KIAA0319L: variants seen among roughly 807,000 people sequenced by gnomAD.
KIAA0319L encodes KIAA0319 like, also known as dyslexia-associated protein KIAA0319-like protein.
Under a neutral mutation model 120.1 loss-of-function variants are expected in KIAA0319L, and 55 were observed. The ratio of observed to expected loss-of-function variants is 0.46; its 90% CI spans 0.37 to 0.57. The LOEUF (loss-of-function observed/expected upper bound fraction) is 0.57, where lower values mean the gene tolerates loss of function less well. KIAA0319L is among the 20% of genes least tolerant of loss of function. The pLI, the probability that KIAA0319L is intolerant of heterozygous loss-of-function variation, is 0.00. For synonymous variants in KIAA0319L, 398 were observed against 471.9 expected, an observed-to-expected ratio of 0.84 and a Z score of 2.03; for missense variants, 1,049 against 1,255.3, an observed-to-expected ratio of 0.84 and a Z score of 2.48.
intron 3 of KIAA0319L, among the ~76,000 whole-genome samples, chr1:35,500,841 C>T (rs1644978714): frequency 1.3e-5 from 2 of 152,204 alleles, no homozygotes; most frequent in Non-Finnish European, 2.9e-5. Context: ...ACCACCTTTC[C>T]AGAGCTATAC....
intron 3 of KIAA0319L, among the ~76,000 whole-genome samples, chr1:35,503,449 C>A (rs1570859106): frequency 6.6e-6 from 1 of 152,308 alleles, no homozygotes; most frequent in East Asian, 1.9e-4. Context: ...TCCAGACCTA[C>A]CGAGTCAGAA....
At chr1:35,445,695 C>G (rs1414229130) in intron 16 of KIAA0319L, among the ~76,000 whole-genome samples, 1 of 152,190 alleles carries the variant, frequency 6.6e-6, no homozygotes, top group Non-Finnish European at 1.5e-5. Flanking sequence ...TCCCACAGAG[C>G]TAACACTAGT....
chr1:35,519,776 A>T (rs894289459), intron 2 of KIAA0319L, among the ~76,000 whole-genome samples: 2 of 152,180 alleles, frequency 1.3e-5, no homozygotes, highest in African/African-American at 4.8e-5. Context: ...CATAGATGAG[A>T]TTATTCAGGA....
chr1:35,532,517 A>G (rs969102165), intron 2 of KIAA0319L, among the ~76,000 whole-genome samples: 4 of 152,226 alleles, frequency 2.6e-5, no homozygotes. Context: ...TTTGAAGAAT[A>G]ATTTAACTTA....
At chr1:35,460,270 G>A in intron 9 of KIAA0319L, 35 bp downstream of exon 9, 1 of 1,584,326 alleles carries the variant, frequency 6.3e-7, no homozygotes, top group Non-Finnish European at 8.6e-7. Context: ...CAAAAAAATG[G>A]CCTATGGTAA....
At chr1:35,504,388 A>ATGG (rs1558511022) in intron 3 of KIAA0319L, among the ~76,000 whole-genome samples, 54 of 151,918 alleles carry the variant, frequency 3.6e-4, no homozygotes, top group Non-Finnish European at 4.0e-4. Flanking sequence ...AGTAGAGACA[A>ATGG]GGTTTCACCG....
intron 2 of KIAA0319L, among the ~76,000 whole-genome samples, chr1:35,538,931 G>A (rs1646686606): frequency 6.6e-6 from 1 of 151,926 alleles, no homozygotes; most frequent in African/African-American, 2.4e-5. Context: ...ATCTAGTATA[G>A]ACTATCTCTA....
intron 2 of KIAA0319L, among the ~76,000 whole-genome samples, chr1:35,519,974 T>C (rs574450241): frequency 6.6e-6 from 1 of 152,344 alleles, no homozygotes; most frequent in African/African-American, 2.4e-5. Flanking sequence ...CTTCACAGAC[T>C]GATCTCACTC....
At chr1:35,452,371 G>A (rs1007682193) in intron 12 of KIAA0319L, among the ~76,000 whole-genome samples, 2 of 152,202 alleles carry the variant, frequency 1.3e-5, no homozygotes, top group Non-Finnish European at 2.9e-5. Context: ...TGGCCTCAGA[G>A]ACTTGCCTGC....
chr1:35,450,505 T>C lies in KIAA0319L; in HGVS notation c.2067A>G (p.Ile689Met), dbSNP rs758072640. Residue 689 changes from isoleucine (I) to methionine (M), a missense_variant, in exon 14 of 21, where the codon ATA (isoleucine) becomes ATG (methionine). By Grantham distance (10) the Ile-to-Met change is conservative. Transcript: ENST00000325722. ...TTATCTTGGCTATAGGTGGTTTGTT[T>C]ATTTCTAATCAAAAAGAAATCATTG... ...SSVNVIVKEE[I>M]NKPPIAKITG... 6.2e-7 allele frequency: 1 copy of C among 1,607,276 alleles called. No individual in the cohort carries two copies. Among genetic ancestry groups the C allele is most frequent in the East Asian group, 2.2e-5 (1 of 44,760 alleles).
At chr1:35,450,218 G>C in intron 14 of KIAA0319L, 140 bp downstream of exon 14, 1 of 1,039,724 alleles carries the variant, frequency 9.6e-7, no homozygotes, top group Non-Finnish European at 1.4e-6. Context: ...ATGACCCTAA[G>C]CAAGTCACTT....
rs951524796 is a variant in KIAA0319L at position 35,453,074 on chromosome 1, C to T, written c.1913+483G>A. ...TAATTAGAATTATTTTGATTACCGCCTTTGGCCTCTGGCTAACTTAATTGG... is the reference window on the plus strand; with the variant it reads ...TAATTAGAATTATTTTGATTACCGCTTTTGGCCTCTGGCTAACTTAATTGG... On this transcript the variant is annotated intron_variant, in intron 12 of 20. Transcript: ENST00000325722. The surrounding 1 kb of genome is among the most constrained non-coding windows in gnomAD (Gnocchi z 4.1). 1.3e-5 allele frequency among the ~76,000 whole-genome samples: 2 copies of T among 152,208 alleles called. No homozygotes were observed. The highest frequency in any genetic ancestry group is 2.1e-4 in the South Asian group (1 of 4,830).
intron 7 of KIAA0319L, among the ~76,000 whole-genome samples, chr1:35,463,913 G>A (rs1371648711): frequency 6.6e-6 from 1 of 152,130 alleles, no homozygotes; most frequent in African/African-American, 2.4e-5. Context: ...AAAAACAGGA[G>A]TTACTCTGCA....
intron 2 of KIAA0319L, among the ~76,000 whole-genome samples, chr1:35,548,685 A>G (rs1320697217): frequency 6.6e-6 from 1 of 152,148 alleles, no homozygotes; most frequent in African/African-American, 2.4e-5. Context: ...AAAAATTTAT[A>G]GACCATCTAC....
rs758192624 is a variant in KIAA0319L, at chr1:35,444,290, A to T, written c.2527T>A (p.Phe843Ile). The T allele has an allele frequency of 1.9e-6, 3 of 1,607,276 alleles. No homozygotes were observed. Among genetic ancestry groups the T allele is most frequent in the Non-Finnish European group, 2.5e-6 (3 of 1,177,372 alleles). ...TGGGGAGGCTCGTTTTGAACAAAAA[A>T]TACCATTTTGGTGCTGCAGAGACAT... ...PYTEQSTKMVFFVQNEPPHQI... is the reference protein window; with the variant it reads ...PYTEQSTKMVIFVQNEPPHQI... Residue 843 changes from phenylalanine to isoleucine, a missense_variant, in exon 17 of 21, where the codon TTT (phenylalanine) becomes ATT (isoleucine). Physicochemically the swap from Phe to Ile is conservative, Grantham distance 21. Coordinates refer to ENST00000325722, the MANE Select transcript of KIAA0319L (RefSeq NM_024874.5).
intron 2 of KIAA0319L, among the ~76,000 whole-genome samples, chr1:35,550,717 T>C (rs1321633762): frequency 6.6e-6 from 1 of 151,360 alleles, no homozygotes; most frequent in East Asian, 1.9e-4. Flanking sequence ...TCCCGTGTAC[T>C]TTTTTTTTAA....
chr1:35,468,674 C>T (rs1367302355), intron 6 of KIAA0319L, among the ~76,000 whole-genome samples: 3 of 152,194 alleles, frequency 2.0e-5, no homozygotes. Context: ...TTCTCTTCCC[C>T]AACATCCCCA....
Position 35,487,685 on chromosome 1 carries a change from G to A in KIAA0319L, c.667-8473C>T, listed in dbSNP as rs143379387. ...CCTAACTTTTCAGCCTTAAGATTAC[G>A]TCCACTGACACCTCAAGTCCATAAG... On this transcript the variant is annotated intron_variant, in intron 3 of 20. Coordinates refer to ENST00000325722, the MANE Select transcript of KIAA0319L (RefSeq NM_024874.5). Among the ~76,000 whole-genome samples, 198 of 152,266 alleles carry A rather than the reference G, an allele frequency of 1.3e-3. 2 individuals carry two copies. In the East Asian group the frequency reaches 0.018, roughly 13 times the overall value.
rs527891452 is a variant in KIAA0319L at position 35,457,232 on chromosome 1, C to T, written c.1428-991G>A. On this transcript the variant is annotated intron_variant, in intron 9 of 20. Transcript: ENST00000325722. ...CAAGCATAGTTCTCTGATTCCAAAG[C>T]TCAGAAACCAAATCTTAAGAAGAGG... Among the ~76,000 whole-genome samples the T allele has an allele frequency of 5.3e-5, 8 of 152,194 alleles. No homozygotes were observed. In the South Asian group the frequency reaches 1.7e-3, roughly 32 times the overall value.
Sources: allele counts gnomAD v4.1 joint callset (sites outside exome capture counted in the v4.1 genomes callset), GRCh38; gene constraint gnomAD v4.1.1; non-coding constraint Gnocchi (gnomAD v3.1); transcripts MANE v1.5; gene names NCBI Gene and HGNC (gene_info 2026-07-23, HGNC 2026-07-21).